The following NR3C2 variants were observed in gnomAD, a reference collection of about 807,000 sequenced individuals.
NR3C2 encodes nuclear receptor subfamily 3 group C member 2, also known as mineralocorticoid receptor.
NR3C2 carries 15 observed loss-of-function variants against 86.4 expected under a neutral mutation model. The ratio of observed to expected loss-of-function variants is 0.17; its 90% CI spans 0.12 to 0.27. The LOEUF (loss-of-function observed/expected upper bound fraction) is 0.27. Ranked by LOEUF, NR3C2 falls within the 10% of genes least tolerant of loss-of-function variation. NR3C2 has a pLI of 1.00. For missense variants in NR3C2, 960 were observed against 1,195.6 expected (o/e 0.80, Z 2.91); for synonymous variants, 458 against 450.5 (o/e 1.02, Z -0.21).
At chr4:148,360,015 C>G (rs1745761557) in intron 2 of NR3C2, among the ~76,000 whole-genome samples, 1 of 152,038 alleles carries the variant, frequency 6.6e-6, no homozygotes, top group African/African-American at 2.4e-5. Flanking sequence ...AACAGGAAGA[C>G]AAGGTAGCAG....
intron 3 of NR3C2, among the ~76,000 whole-genome samples, chr4:148,244,412 T>C (rs532325569): frequency 1.3e-4 from 20 of 152,362 alleles, no homozygotes; most frequent in African/African-American, 3.8e-4. Context: ...CTCGAAATTG[T>C]AGCTACTTTG....
chr4:148,314,474 T>C (rs564953890), intron 2 of NR3C2, among the ~76,000 whole-genome samples: 23 of 152,300 alleles, frequency 1.5e-4, no homozygotes, highest in African/African-American at 4.8e-4. Context: ...AAATGGCCTA[T>C]TTTAAGTAAA....
chr4:148,294,972 G>A (rs1741976149), intron 2 of NR3C2, among the ~76,000 whole-genome samples: 1 of 152,058 alleles, frequency 6.6e-6, no homozygotes, highest in South Asian at 2.1e-4. Context: ...GGGAGACAGA[G>A]TGAGGCCCTG....
intron 3 of NR3C2, among the ~76,000 whole-genome samples, chr4:148,230,422 C>A (rs147755035): frequency 2.1e-3 from 316 of 152,300 alleles, no homozygotes; most frequent in Middle Eastern, 0.014. Context: ...GGCTTGAACT[C>A]CTGGCCTCAA....
chr4:148,105,889 G>T (rs1436496967), intron 8 of NR3C2, among the ~76,000 whole-genome samples: 1 of 152,050 alleles, frequency 6.6e-6, no homozygotes, highest in Non-Finnish European at 1.5e-5. Flanking sequence ...AAAATAATAA[G>T]AACTATTTAT....
chr4:148,236,931 A>G (rs1738776759), intron 3 of NR3C2, among the ~76,000 whole-genome samples: 1 of 152,208 alleles, frequency 6.6e-6, no homozygotes. Flanking sequence ...CAATTCTTCA[A>G]TTGTTCTTCC....
chr4:148,444,139 G>C (rs1750484358), upstream of NR3C2: 2 of 985,264 alleles, frequency 2.0e-6, no homozygotes, highest in African/African-American at 3.5e-5. Flanking sequence ...GGGAGCAAGG[G>C]GAGTCCCGGA....
At chr4:148,297,889 CAAAAAAA>C (rs80142284) in intron 2 of NR3C2, among the ~76,000 whole-genome samples, 1 of 103,588 alleles carries the variant, frequency 9.7e-6, no homozygotes, top group Non-Finnish European at 2.0e-5. Context: ...AACTCCGTCT[CAAAAAAA>C]AAAAAAAAAT....
chr4:148,357,109 C>A (rs1745585915), intron 2 of NR3C2, among the ~76,000 whole-genome samples: 1 of 152,070 alleles, frequency 6.6e-6, no homozygotes. Context: ...CCTATAATCC[C>A]ATGGTAGATA....
intron 2 of NR3C2, among the ~76,000 whole-genome samples, chr4:148,353,227 T>C (rs1180321122): frequency 2.0e-5 from 3 of 152,092 alleles, no homozygotes; most frequent in Non-Finnish European, 4.4e-5. Flanking sequence ...AGGCTTATAA[T>C]TAAAACCCTA....
intron 6 of NR3C2, among the ~76,000 whole-genome samples, chr4:148,128,926 C>T (rs191752920): frequency 6.6e-5 from 10 of 152,308 alleles, no homozygotes; most frequent in African/African-American, 2.4e-4. Flanking sequence ...CTGAAGATGA[C>T]TTCCATTTTT....
At chr4:148,288,937 TAA>T (rs1741664109) in intron 2 of NR3C2, among the ~76,000 whole-genome samples, 1 of 152,116 alleles carries the variant, frequency 6.6e-6, no homozygotes, top group Non-Finnish European at 1.5e-5. Context: ...TACACCAGTT[TAA>T]GTATGCCCCA....
intron 2 of NR3C2, among the ~76,000 whole-genome samples, chr4:148,352,383 T>A (rs549073344): frequency 6.6e-5 from 9 of 136,092 alleles, no homozygotes; most frequent in Admixed American, 2.1e-4. Context: ...CATCTATCTA[T>A]CTATCTATCT....
At chr4:148,350,496 A>G (rs1419843307) in intron 2 of NR3C2, among the ~76,000 whole-genome samples, 2 of 152,244 alleles carry the variant, frequency 1.3e-5, no homozygotes, top group Non-Finnish European at 2.9e-5. Context: ...TCTCTAAAAG[A>G]CGTTTTAAAT....
intron 2 of NR3C2, among the ~76,000 whole-genome samples, chr4:148,428,694 T>C (rs955579253): frequency 6.6e-6 from 1 of 152,190 alleles, no homozygotes; most frequent in African/African-American, 2.4e-5. Flanking sequence ...ACATAGGCTT[T>C]TTCTGTAATA....
intron 2 of NR3C2, among the ~76,000 whole-genome samples, chr4:148,431,165 TC>T (rs1749784728): frequency 6.6e-6 from 1 of 152,172 alleles, no homozygotes; most frequent in Admixed American, 6.5e-5. Context: ...GTTTATTTTT[TC>T]TTTAAATCTG....
intron 3 of NR3C2, among the ~76,000 whole-genome samples, chr4:148,217,169 G>A (rs536976870): frequency 1.2e-4 from 19 of 152,298 alleles, no homozygotes; most frequent in Non-Finnish European, 1.3e-4. Flanking sequence ...TGGGTTCCCC[G>A]TGGTCAGAGT....
chr4:148,087,246 A>T (rs1730856032), intron 8 of NR3C2, among the ~76,000 whole-genome samples: 1 of 152,178 alleles, frequency 6.6e-6, no homozygotes, highest in African/African-American at 2.4e-5. Context: ...CAAGGAAATA[A>T]GAGATGACAC....
chr4:148,123,890 TTTC>T (rs1211596663), intron 6 of NR3C2, among the ~76,000 whole-genome samples: 1 of 152,236 alleles, frequency 6.6e-6, no homozygotes, highest in African/African-American at 2.4e-5. Flanking sequence ...CTGAGTTCAG[TTTC>T]TTACTTATTG....
Sources: allele counts gnomAD v4.1 joint callset (sites outside exome capture counted in the v4.1 genomes callset), GRCh38; gene constraint gnomAD v4.1.1; transcripts MANE v1.5; gene names NCBI Gene and HGNC (gene_info 2026-07-23, HGNC 2026-07-21).